Variants in PRKCH observed in about 807,000 individuals in gnomAD.
PRKCH encodes protein kinase C eta.
In PRKCH, 28 loss-of-function variants were observed where a neutral mutation model predicts 82.5. That is an observed-to-expected ratio of 0.34 (90% confidence interval 0.25 to 0.47). The LOEUF (loss-of-function observed/expected upper bound fraction) is 0.47. Among genes scored for constraint, PRKCH ranks in the 20% least tolerant of loss-of-function variants. PRKCH has a pLI of 1.00. For synonymous variants in PRKCH, 322 were observed against 327.4 expected (o/e 0.98, Z 0.18); for missense variants, 705 against 881.8 (o/e 0.80, Z 2.54).
intron 1 of PRKCH, among the ~76,000 whole-genome samples, chr14:61,219,490 C>A (rs968628353): frequency 6.6e-6 from 1 of 152,066 alleles, no homozygotes; most frequent in South Asian, 2.1e-4. Flanking sequence ...TCTTTAATAC[C>A]AGTTTTCTGT....
chr14:61,258,934 C>G (rs921366879), intron 1 of PRKCH, among the ~76,000 whole-genome samples: 7 of 152,168 alleles, frequency 4.6e-5, no homozygotes, highest in African/African-American at 1.7e-4. Flanking sequence ...TAGCTCCTTC[C>G]TCGTCCTTTG....
chr14:61,396,702 G>A (rs2046788816), intron 2 of PRKCH, among the ~76,000 whole-genome samples: 1 of 152,202 alleles, frequency 6.6e-6, no homozygotes, highest in Non-Finnish European at 1.5e-5. Flanking sequence ...AGGGAACAGA[G>A]TTCAAGAGAG....
chr14:61,268,232 C>G (rs534171492), intron 1 of PRKCH, among the ~76,000 whole-genome samples: 1 of 152,168 alleles, frequency 6.6e-6, no homozygotes, highest in South Asian at 2.1e-4. Flanking sequence ...TGTGAGAAGC[C>G]AAGACTTTGA....
intron 2 of PRKCH, among the ~76,000 whole-genome samples, chr14:61,428,076 T>TAGATAGATAGATAG (rs377250538): frequency 2.3e-4 from 29 of 126,260 alleles, no homozygotes; most frequent in African/African-American, 5.2e-4. Context: ...GATAGATAGA[T>TAGATAGATAGATAG]ACACACACAC....
At position 61,272,340 on chromosome 14, in the gene PRKCH, CTTTCTTTTTTTTTT is replaced by C. The variant is rs1240960360; in HGVS notation, c.-19+84676_-19+84689del. 8.3e-4 allele frequency among the ~76,000 whole-genome samples: 81 copies of C among 97,822 alleles called. 2 individuals are homozygous for C. Among genetic ancestry groups the C allele is most frequent in the Non-Finnish European group, 1.0e-3 (53 of 52,824 alleles). 64.2% of individuals were successfully genotyped at this position (97,822 alleles called of 152,430 possible). A position where few individuals can be genotyped will look rare whatever the true frequency, so the allele number is the denominator to read the frequency against. On this transcript the variant is annotated intron_variant, in intron 1 of 3. Transcript: ENST00000555185. ...TAGATTTCTTTTTCTTTTCTTTTTT[CTTTCTTTTTTTTTT>C]TTTTTTTTTTTTTTTTTGAGACAGA...
At chr14:61,379,950 C>T (rs1396366582) in intron 1 of PRKCH, among the ~76,000 whole-genome samples, 1 of 152,228 alleles carries the variant, frequency 6.6e-6, no homozygotes. Flanking sequence ...TGCACAATTA[C>T]TCTTCTGTGG....
At chr14:61,393,041 A>G (rs555464613) in intron 2 of PRKCH, among the ~76,000 whole-genome samples, 8 of 152,188 alleles carry the variant, frequency 5.3e-5, no homozygotes, top group African/African-American at 9.6e-5. Flanking sequence ...TTGAAAATCA[A>G]TTGACCATAT....
At chr14:61,372,531 A>G (rs985427578) in intron 1 of PRKCH, among the ~76,000 whole-genome samples, 1 of 152,064 alleles carries the variant, frequency 6.6e-6, no homozygotes, top group African/African-American at 2.4e-5. Context: ...TTACATGTAT[A>G]GTGGTTTCAG....
chr14:61,453,558 TTCTC>T (rs1195628381), intron 7 of PRKCH, among the ~76,000 whole-genome samples: 4 of 151,562 alleles, frequency 2.6e-5, no homozygotes, highest in Non-Finnish European at 5.9e-5. Flanking sequence ...CTTTCTTTCT[TTCTC>T]TCTTTCTCCC....
chr14:61,244,015 T>C (rs2140068206), intron 1 of PRKCH, among the ~76,000 whole-genome samples: 1 of 151,914 alleles, frequency 6.6e-6, no homozygotes, highest in Non-Finnish European at 1.5e-5. Flanking sequence ...TTTTGAAAGC[T>C]GCACATCACC....
Position 61,280,204 on chromosome 14 carries a change from G to C in PRKCH, c.-19+92536G>C. On this transcript the variant is annotated intron_variant, in intron 1 of 3. Coordinates refer to the PRKCH transcript ENST00000555185. The surrounding 1 kb of genome is among the most constrained non-coding windows in gnomAD (Gnocchi z 5.0). ...GACCAGGTAGGCGATGCCCAGGAAGGGGTTCTTGCCACCCATCCACGAGAT... is the reference window on the plus strand; with the variant it reads ...GACCAGGTAGGCGATGCCCAGGAAGCGGTTCTTGCCACCCATCCACGAGAT... The C allele has an allele frequency of 6.2e-7, 1 of 1,614,114 alleles. No homozygotes were observed. Among genetic ancestry groups the C allele is most frequent in the Non-Finnish European group, 8.5e-7 (1 of 1,180,004 alleles).
chr14:61,256,694 T>A (rs990453609), intron 1 of PRKCH, among the ~76,000 whole-genome samples: 1 of 152,210 alleles, frequency 6.6e-6, no homozygotes, highest in African/African-American at 2.4e-5. Flanking sequence ...GTTGGGTAAA[T>A]CCTCTATTTT....
intron 1 of PRKCH, among the ~76,000 whole-genome samples, chr14:61,229,324 C>T (rs1395393522): frequency 6.6e-6 from 1 of 152,032 alleles, no homozygotes; most frequent in Non-Finnish European, 1.5e-5. Flanking sequence ...GGCTCCTGAA[C>T]TTGGAGATAG....
intron 1 of PRKCH, among the ~76,000 whole-genome samples, chr14:61,337,067 C>CA (rs3028726): frequency 0.013 from 696 of 54,728 alleles, 8 homozygotes; most frequent in African/African-American, 0.025. Context: ...CAGTCTGTCT[C>CA]AAAAAAAAAA....
intron 10 of PRKCH, among the ~76,000 whole-genome samples, chr14:61,505,983 G>A (rs570045251): frequency 2.0e-5 from 3 of 152,234 alleles, no homozygotes; most frequent in African/African-American, 7.2e-5. Flanking sequence ...CCCACAGGAA[G>A]TGTCCCCAGG....
At chr14:61,496,409 GCTGAGTTCCCTCACC>G (rs1886671116) in intron 10 of PRKCH, among the ~76,000 whole-genome samples, 2 of 152,184 alleles carry the variant, frequency 1.3e-5, no homozygotes, top group Admixed American at 6.5e-5. Flanking sequence ...CCATGCAGGT[GCTGAGTTCCCTCACC>G]CATCAGGCCT....
chr14:61,259,605 C>T (rs75814593), intron 1 of PRKCH, among the ~76,000 whole-genome samples: 4,396 of 152,240 alleles, frequency 0.029, 115 homozygotes, highest in East Asian at 0.067. Flanking sequence ...AGCATCTCTG[C>T]TAAATCTGTT....
intron 10 of PRKCH, among the ~76,000 whole-genome samples, chr14:61,491,178 G>T (rs1390584330): frequency 6.6e-6 from 1 of 152,140 alleles, no homozygotes; most frequent in Admixed American, 6.5e-5. Context: ...TTGGAATTCA[G>T]TTCTGTATTT....
intron 12 of PRKCH, chr14:61,543,918 G>A (rs2043219792): frequency 1.3e-5 from 2 of 152,128 alleles, no homozygotes; most frequent in Non-Finnish European, 2.9e-5. Context: ...TTCAGGCCTG[G>A]GACTAATGTT....
Sources: allele counts gnomAD v4.1 joint callset (sites outside exome capture counted in the v4.1 genomes callset), GRCh38; gene constraint gnomAD v4.1.1; non-coding constraint Gnocchi (gnomAD v3.1); transcripts MANE v1.5; gene names NCBI Gene and HGNC (gene_info 2026-07-23, HGNC 2026-07-21).